The following RPGRIP1 variants were observed in gnomAD, a reference collection of about 807,000 sequenced individuals.
RPGRIP1 encodes X-linked retinitis pigmentosa GTPase regulator-interacting protein 1.
A neutral mutation model predicts 157.9 loss-of-function variants in RPGRIP1; 128 were observed. The ratio of observed to expected loss-of-function variants is 0.81; its 90% confidence interval spans 0.70 to 0.94. The LOEUF (loss-of-function observed/expected upper bound fraction) is 0.94. Ranked by LOEUF, RPGRIP1 falls within the 40% of genes least tolerant of loss-of-function variation. RPGRIP1 has a pLI of 0.00. For missense variants in RPGRIP1, 1,486 were observed against 1,545.8 expected, an observed-to-expected ratio of 0.96 and a Z score of 0.65; for synonymous variants, 554 against 571.6, an observed-to-expected ratio of 0.97 and a Z score of 0.44.
chr14:21,307,642 G>C, intron 6 of RPGRIP1, 89 bp from the exon 7 acceptor site: 1 of 781,406 alleles, frequency 1.3e-6, no homozygotes, highest in African/African-American at 1.7e-5. Flanking sequence ...AGACAAGAGG[G>C]AGGTATTCTT....
At chr14:21,350,136 G>A (rs1886052313) in intron 24 of RPGRIP1, among the ~76,000 whole-genome samples, 1 of 152,156 alleles carries the variant, frequency 6.6e-6, no homozygotes, top group Non-Finnish European at 1.5e-5. Flanking sequence ...AGCACTTTGG[G>A]ATGCCGAGAT....
chr14:21,296,889 T>C (rs1594169297), intron 3 of RPGRIP1, among the ~76,000 whole-genome samples: 5 of 149,926 alleles, frequency 3.3e-5, no homozygotes, highest in Admixed American at 3.3e-4. Context: ...GAGGCAGAGG[T>C]TGCAGTGAGC....
chr14:21,310,639 A>C, intron 8 of RPGRIP1, 32 bp downstream of exon 8: 1 of 1,340,376 alleles, frequency 7.5e-7, no homozygotes, highest in Non-Finnish European at 1.0e-6. Context: ...TCTGTTTCTT[A>C]GTAACCAGAA....
intron 10 of RPGRIP1, among the ~76,000 whole-genome samples, chr14:21,313,283 C>G (rs2139177470): frequency 6.6e-6 from 1 of 150,794 alleles, no homozygotes; most frequent in Middle Eastern, 3.4e-3. Flanking sequence ...GGGAGGATAA[C>G]TTGCGCCTAG....
rs552781902 is a variant in RPGRIP1 at position 21,294,984 on chromosome 14, T to G, written c.218+175T>G. Among the ~76,000 whole-genome samples the G allele has an allele frequency of 2.2e-3, 333 of 151,618 alleles. 3 individuals carry two copies. Among genetic ancestry groups the G allele is most frequent in the African/African-American group, 7.2e-3 (297 of 41,322 alleles). Reference sequence around the variant, plus strand: ...CCAGCCTCCCAAGTAGCTGGGATTATAGGCATGCGTCACCATGCCCAGCTA... The same window carrying G: ...CCAGCCTCCCAAGTAGCTGGGATTAGAGGCATGCGTCACCATGCCCAGCTA... On this transcript the variant is annotated intron_variant, in intron 3 of 24. Transcript: ENST00000400017.
intron 6 of RPGRIP1, among the ~76,000 whole-genome samples, chr14:21,304,644 T>C (rs576657761): frequency 2.6e-5 from 4 of 152,264 alleles, no homozygotes; most frequent in African/African-American, 9.6e-5. Flanking sequence ...ATAGAGTTCC[T>C]GTATACCCAT....
chr14:21,333,826 G>T (rs1156935374), intron 20 of RPGRIP1, among the ~76,000 whole-genome samples: 10 of 152,088 alleles, frequency 6.6e-5, no homozygotes, highest in Non-Finnish European at 1.5e-4. Flanking sequence ...TTAATTGAAG[G>T]GGAGGGGACA....
In RPGRIP1 at chr14:21,348,171, G is replaced by A; in HGVS notation, c.3618-1G>A. ...CTGAATTAAATGCAATTTCTTTTTA[G>A]TTTAAAGTTTACAGTGGTAAGTGAT... On this transcript the variant is annotated splice_acceptor_variant, in intron 23 of 24. Coordinates refer to ENST00000400017, the MANE Select transcript of RPGRIP1 (RefSeq NM_020366.4). LOFTEE classifies it high-confidence loss of function. 1.3e-6 allele frequency: 2 copies of A among 1,568,172 alleles called. No individual in the cohort carries two copies. The highest frequency in any genetic ancestry group is 2.3e-5 in the East Asian group (1 of 43,662).
Position 21,283,515 on chromosome 14 carries a change from C to T in RPGRIP1, c.-39+3356C>T, listed in dbSNP as rs139643139. ...ATGGGGTTTCGCCATGTTAGCCAGG[C>T]TGGTCTCAAACTCCTGACCTTGTGA... On this transcript the variant is annotated intron_variant, in intron 1 of 24. Coordinates refer to ENST00000400017, the MANE Select transcript of RPGRIP1 (RefSeq NM_020366.4). 3.9e-3 allele frequency among the ~76,000 whole-genome samples: 593 copies of T among 152,012 alleles called. 6 individuals carry two copies. The highest frequency in any genetic ancestry group is 0.013 in the African/African-American group (556 of 41,458).
chr14:21,283,960 A>C (rs1248550273), intron 1 of RPGRIP1, among the ~76,000 whole-genome samples: 1 of 152,228 alleles, frequency 6.6e-6, no homozygotes, highest in Non-Finnish European at 1.5e-5. Context: ...TAGGTCTAAC[A>C]TGCGAAAGTA....
chr14:21,331,627 TTCTGACAGTGG>T (rs541063472), intron 20 of RPGRIP1, among the ~76,000 whole-genome samples: 163 of 152,264 alleles, frequency 1.1e-3, no homozygotes, highest in African/African-American at 3.9e-3. Context: ...CTTCCTCTAC[TTCTGACAGTGG>T]TCAGAATAGT....
chr14:21,296,641 G>A (rs567163125), intron 3 of RPGRIP1, among the ~76,000 whole-genome samples: 13 of 151,660 alleles, frequency 8.6e-5, no homozygotes, highest in African/African-American at 1.4e-4. Context: ...ATGACCCATC[G>A]TGCCCAGTTA....
At chr14:21,299,303 AT>A (rs879754554) in intron 3 of RPGRIP1, among the ~76,000 whole-genome samples, 479 of 144,976 alleles carry the variant, frequency 3.3e-3, no homozygotes, top group Admixed American at 5.5e-3. Context: ...CAAAGGGCCG[AT>A]TTTTTTTTTT....
rs1176689770 is a variant in RPGRIP1, at chr14:21,350,883, A to AGAT, written c.3749-221_3749-220insGAT. On this transcript the variant is annotated intron_variant, in intron 24 of 24. Coordinates refer to ENST00000400017, the MANE Select transcript of RPGRIP1 (RefSeq NM_020366.4). ...TCCAGAAATCCTTTCCAATTTGTCC[A>AGAT]TTCTGGTGCAGATGCCTCGTTATGT... Among the ~76,000 whole-genome samples, 3,196 of 152,276 alleles carry AGAT rather than the reference A, an allele frequency of 0.021. 116 individuals are homozygous for AGAT. The highest frequency in any genetic ancestry group is 0.074 in the African/African-American group (3,069 of 41,546).
chr14:21,308,829 C>T (rs1465862804), intron 7 of RPGRIP1, among the ~76,000 whole-genome samples: 1 of 152,176 alleles, frequency 6.6e-6, no homozygotes, highest in Non-Finnish European at 1.5e-5. Context: ...GCATAGGGCT[C>T]AGGGGATTGG....
chr14:21,338,196 G>A lies in RPGRIP1; in HGVS notation c.3339+3491G>A, dbSNP rs187706277. Reference sequence around the variant, plus strand: ...CTCCCAAAGTGCCGGGATTACAGGCGTGAGCCACCGCTCCTGGCCTCCCTC... The same window carrying A: ...CTCCCAAAGTGCCGGGATTACAGGCATGAGCCACCGCTCCTGGCCTCCCTC... On this transcript the variant is annotated intron_variant, in intron 21 of 24. Coordinates refer to ENST00000400017, the MANE Select transcript of RPGRIP1 (RefSeq NM_020366.4). 1.6e-3 allele frequency among the ~76,000 whole-genome samples: 244 copies of A among 152,318 alleles called. 7 individuals are homozygous for A. Among genetic ancestry groups the A allele is most frequent in the Admixed American group, 0.016 (240 of 15,296 alleles).
At chr14:21,326,213 C>T (rs1420649344) in intron 17 of RPGRIP1, 40 bp downstream of exon 17, 1 of 1,329,922 alleles carries the variant, frequency 7.5e-7, no homozygotes, top group African/African-American at 1.5e-5. Flanking sequence ...GCCCTCTTCC[C>T]AGTGTTGTCT....
At chr14:21,287,049 GAGGA>G (rs149606390) in intron 1 of RPGRIP1, among the ~76,000 whole-genome samples, 62 of 150,566 alleles carry the variant, frequency 4.1e-4, no homozygotes, top group African/African-American at 1.2e-3. Context: ...GAAAGAAAGA[GAGGA>G]AGGAAGGAAG....
chr14:21,344,275 C>T (rs528506816), intron 22 of RPGRIP1, among the ~76,000 whole-genome samples: 60 of 152,072 alleles, frequency 3.9e-4, no homozygotes, highest in African/African-American at 1.3e-3. Flanking sequence ...ATTTTTCATT[C>T]GCCTTATTTT....
Sources: gnomAD v4.1 joint callset for allele counts (sites outside exome capture counted in the v4.1 genomes callset) on GRCh38, gnomAD v4.1.1 for gene constraint, MANE v1.5 for transcripts, NCBI Gene and HGNC (gene_info 2026-07-23, HGNC 2026-07-21) for gene names.